Variants in SRSF10 observed in about 807,000 individuals in gnomAD.
The protein encoded by SRSF10 is serine/arginine-rich splicing factor 10.
A neutral mutation model predicts 32.6 loss-of-function variants in SRSF10; 9 were observed. That is an observed-to-expected ratio of 0.28 (90% CI 0.17 to 0.48). The LOEUF (loss-of-function observed/expected upper bound fraction) is 0.48, where lower values mean the gene tolerates loss of function less well. Ranked by LOEUF, SRSF10 falls within the 20% of genes least tolerant of loss-of-function variation. The pLI, the probability that SRSF10 is intolerant of heterozygous loss-of-function variation, is 0.99. For synonymous variants in SRSF10, 105 were observed against 112.4 expected (o/e 0.93, Z 0.42); for missense variants, 201 against 331.8 (o/e 0.61, Z 3.06).
At chr1:23,979,045 T>C (rs1008698353) in intron 1 of SRSF10, 3 of 188,986 alleles carry the variant, frequency 1.6e-5, no homozygotes, top group Non-Finnish European at 3.0e-5. Flanking sequence ...CATTAGGTTG[T>C]ATATAAGCCT....
At chr1:23,976,471 C>T (rs1324171817) in intron 2 of SRSF10, 4 of 152,300 alleles carry the variant, frequency 2.6e-5, no homozygotes, top group Non-Finnish European at 4.4e-5. Context: ...ACCTTGAATA[C>T]TGTAACTGAA....
Position 23,969,297 on chromosome 1 carries a change from T to C in SRSF10, c.*1845A>G. ...CCTCTTTGCTAGAACTGTAAACTAC[T>C]GCTACAGTTTTAAATAGACTTTTTG... On this transcript the variant is annotated 3_prime_UTR_variant, in exon 6 of 6. Coordinates refer to ENST00000492112, the MANE Select transcript of SRSF10 (RefSeq NM_054016.4). 2.0e-6 allele frequency: 2 copies of C among 985,162 alleles called. No individual in the cohort carries two copies. The highest frequency in any genetic ancestry group is 2.4e-6 in the Non-Finnish European group (2 of 829,288). 61.0% of individuals were successfully genotyped at this position (985,162 alleles called of 1,614,324 possible).
At position 23,967,443 on chromosome 1, in the gene SRSF10, G is replaced by T; in HGVS notation, c.*3699C>A. ...ATCAATATAAACCTATTCATATTTA[G>T]GGATTAGTTTCCACAAGTACAAAGT... On this transcript the variant is annotated 3_prime_UTR_variant, in exon 6 of 6. Coordinates refer to ENST00000492112, the MANE Select transcript of SRSF10 (RefSeq NM_054016.4). The T allele has an allele frequency of 2.1e-6, 1 of 468,050 alleles. No homozygotes were observed. The highest frequency in any genetic ancestry group is 5.7e-4 in the Middle Eastern group (1 of 1,762). 29.0% of individuals were successfully genotyped at this position (468,050 alleles called of 1,614,324 possible).
At chr1:23,978,662 A>T in intron 2 of SRSF10, 51 bp downstream of exon 2, 2 of 1,557,534 alleles carry the variant, frequency 1.3e-6, no homozygotes, top group Non-Finnish European at 8.7e-7. Context: ...CATAAACTTG[A>T]ATTTCAAACT....
At chr1:23,973,400 GCT>G (rs1310592572) in intron 3 of SRSF10, among the ~76,000 whole-genome samples, 1 of 152,182 alleles carries the variant, frequency 6.6e-6, no homozygotes, top group Non-Finnish European at 1.5e-5. Flanking sequence ...TGCAAACACA[GCT>G]CTCTGCAACT....
intron 2 of SRSF10, chr1:23,977,153 G>C (rs1642142421): frequency 1.3e-5 from 2 of 152,318 alleles, no homozygotes; most frequent in Non-Finnish European, 2.9e-5. Context: ...GGCCCTGCAG[G>C]AGTAGTTTTT....
intron 2 of SRSF10, 114 bp from the exon 3 acceptor site, chr1:23,975,191 C>A (rs548094466): frequency 2.3e-6 from 2 of 855,010 alleles, no homozygotes; most frequent in African/African-American, 1.7e-5. Context: ...GAACATCAAC[C>A]AGACCCCCAC....
Position 23,968,450 on chromosome 1 carries a change from G to A in SRSF10, c.*2692C>T, listed in dbSNP as rs1188006491. Among the ~76,000 whole-genome samples, 12 of 152,230 alleles carry A rather than the reference G, an allele frequency of 7.9e-5. No homozygotes were observed. The highest frequency in any genetic ancestry group is 7.2e-4 in the Admixed American group (11 of 15,288). Reference sequence around the variant, plus strand: ...GCTTAAATCCTGGCTCTGCCTTACAGTCTTTTCTTTGTGCCTCAGTTTCCT... The same window carrying A: ...GCTTAAATCCTGGCTCTGCCTTACAATCTTTTCTTTGTGCCTCAGTTTCCT... On this transcript the variant is annotated 3_prime_UTR_variant, in exon 6 of 6. Coordinates refer to ENST00000492112, the MANE Select transcript of SRSF10 (RefSeq NM_054016.4).
At chr1:23,979,158 C>G (rs34914112) in intron 1 of SRSF10, among the ~76,000 whole-genome samples, 150,115 of 151,690 alleles carry the variant, frequency 0.99, 74,294 homozygotes, top group East Asian at 1. Context: ...GACAGATTTA[C>G]ACACTTAACA....
In SRSF10 at chr1:23,978,844, T is replaced by A. The variant is rs977078832; in HGVS notation, c.66-27A>T. 1.5e-4 allele frequency: 231 copies of A among 1,589,180 alleles called. 1 individual carries two copies. In the African/African-American group the frequency reaches 3.0e-3, roughly 21 times the overall value. ...TAAAACATCATAAAAAGACCTCAAA[T>A]TTTTATGTCCAAGTCCTTAAGATGT... is the stretch of plus-strand genomic sequence containing the variant. On this transcript the variant is annotated intron_variant, in intron 1 of 5. Transcript: ENST00000492112.
At position 23,969,785 on chromosome 1, in the gene SRSF10, C is replaced by G; in HGVS notation, c.*1357G>C. 2 of 985,360 alleles carry G rather than the reference C, an allele frequency of 2.0e-6. No individual in the cohort carries two copies. Among genetic ancestry groups the G allele is most frequent in the Non-Finnish European group, 2.4e-6 (2 of 829,878 alleles). The allele number at this position is 985,360 out of a possible 1,614,324, so 61.0% of individuals were successfully genotyped here. On this transcript the variant is annotated 3_prime_UTR_variant, in exon 6 of 6. Coordinates refer to ENST00000492112, the MANE Select transcript of SRSF10 (RefSeq NM_054016.4). The stretch of plus-strand genomic sequence containing the variant: ...GGTACTACACTGATAATCGAAAGCT[C>G]AAAAGATGTGACTCTTGCTTAAAAC...
At chr1:23,976,889 CTGAA>C (rs1642125807) in intron 2 of SRSF10, 1 of 152,212 alleles carries the variant, frequency 6.6e-6, no homozygotes, top group Non-Finnish European at 1.5e-5. Context: ...CATAGACTTA[CTGAA>C]TATGTATTTT....
rs1409954925 is a variant in SRSF10 at position 23,966,020 on chromosome 1, TAAGTA to T, written c.*5117_*5121del. On this transcript the variant is annotated 3_prime_UTR_variant, in exon 6 of 6. Transcript: ENST00000492112. Reference sequence around the variant, plus strand: ...TAATTAAATCTAGTCACTTTGACTCTAAGTAAATTCTAGATCCCATTATATCAATG... The same window carrying T: ...TAATTAAATCTAGTCACTTTGACTCTAATTCTAGATCCCATTATATCAATG... 4 of 151,934 alleles carry T rather than the reference TAAGTA, an allele frequency of 2.6e-5. No individual in the cohort carries two copies. The highest frequency in any genetic ancestry group is 4.4e-5 in the Non-Finnish European group (3 of 67,840). 9.4% of individuals were successfully genotyped at this position (151,934 alleles called of 1,614,324 possible).
Position 23,970,412 on chromosome 1 carries a change from G to A in SRSF10, c.*730C>T. On this transcript the variant is annotated 3_prime_UTR_variant, in exon 6 of 6. Transcript: ENST00000492112. ...GTCTCACTCTGTTGCCCAGGCTGGAGTGCAGTGGCGTGATTTTGGCTCACT... is the reference window on the plus strand; with the variant it reads ...GTCTCACTCTGTTGCCCAGGCTGGAATGCAGTGGCGTGATTTTGGCTCACT... The A allele has an allele frequency of 1.1e-6, 1 of 932,046 alleles. No individual in the cohort carries two copies. Among genetic ancestry groups the A allele is most frequent in the Non-Finnish European group, 1.3e-6 (1 of 786,118 alleles). The allele number at this position is 932,046 out of a possible 1,614,324, so 57.7% of individuals were successfully genotyped here.
chr1:23,971,025 G>C lies in SRSF10; in HGVS notation c.*117C>G. ...AATTATAACCATTGCCTGGTACAGG[G>C]AAAACTAACAAGTGTTTTTTAAGCA... On this transcript the variant is annotated 3_prime_UTR_variant, in exon 6 of 6. Transcript: ENST00000492112. 1 of 1,497,998 alleles carries C rather than the reference G, an allele frequency of 6.7e-7. No individual in the cohort carries two copies. Among genetic ancestry groups the C allele is most frequent in the Non-Finnish European group, 8.8e-7 (1 of 1,130,536 alleles). 92.8% of individuals were successfully genotyped at this position (1,497,998 alleles called of 1,614,324 possible).
At chr1:23,975,688 A>C (rs1642045719) in intron 2 of SRSF10, 1 of 152,306 alleles carries the variant, frequency 6.6e-6, no homozygotes, top group Non-Finnish European at 1.5e-5. Context: ...GGGCATCAAG[A>C]CCAGAGTCAA....
At chr1:23,974,495 G>A (rs1011040441) in intron 3 of SRSF10, among the ~76,000 whole-genome samples, 2 of 152,246 alleles carry the variant, frequency 1.3e-5, no homozygotes, top group African/African-American at 4.8e-5. Flanking sequence ...TGGAACACAT[G>A]ATGAAATATT....
Position 23,971,128 on chromosome 1 carries a change from C to T in SRSF10, c.*14G>A. The stretch of plus-strand genomic sequence containing the variant: ...TGAATGATACATGCCTAAAAATGAC[C>T]ATGGTTTATACTATCAGTGGCCACT... On this transcript the variant is annotated 3_prime_UTR_variant, in exon 6 of 6. Coordinates refer to ENST00000492112, the MANE Select transcript of SRSF10 (RefSeq NM_054016.4). 1.3e-6 allele frequency: 2 copies of T among 1,572,828 alleles called. No homozygotes were observed.
At chr1:23,972,662 G>A (rs915568805) in intron 3 of SRSF10, among the ~76,000 whole-genome samples, 38 of 151,146 alleles carry the variant, frequency 2.5e-4, no homozygotes, top group Non-Finnish European at 5.0e-4. Context: ...GGCTGGTCTC[G>A]AATTCCTGAC....
Sources: allele counts gnomAD v4.1 joint callset (sites outside exome capture counted in the v4.1 genomes callset), GRCh38; gene constraint gnomAD v4.1.1; transcripts MANE v1.5; gene names NCBI Gene and HGNC (gene_info 2026-07-23, HGNC 2026-07-21).